AGAP1: variants seen among roughly 807,000 people sequenced by gnomAD.
The protein encoded by AGAP1 is arf-GAP with GTPase, ANK repeat and PH domain-containing protein 1.
In AGAP1, 29 loss-of-function variants were observed where a neutral mutation model predicts 105.3. The observed-to-expected ratio is 0.28, with a 90% CI of 0.21 to 0.38. The LOEUF (loss-of-function observed/expected upper bound fraction) is 0.38. Among genes scored for constraint, AGAP1 ranks in the 10% least tolerant of loss-of-function variants. The pLI, the probability that AGAP1 is intolerant of heterozygous loss-of-function variation, is 1.00. For missense variants in AGAP1, 998 were observed against 1,165.1 expected, an observed-to-expected ratio of 0.86 and a Z score of 2.09; for synonymous variants, 509 against 485.9, an observed-to-expected ratio of 1.05 and a Z score of -0.63.
At chr2:235,718,138 T>A (rs540399524) in intron 3 of AGAP1, among the ~76,000 whole-genome samples, 1 of 149,406 alleles carries the variant, frequency 6.7e-6, no homozygotes, top group East Asian at 2.0e-4. Context: ...AGAGTAAGAT[T>A]TTTTTTTTTG....
chr2:235,674,587 A>G (rs1016263688), intron 1 of AGAP1, among the ~76,000 whole-genome samples: 1 of 152,138 alleles, frequency 6.6e-6, no homozygotes. Flanking sequence ...AGCTTTTAAA[A>G]TTAGTAATTT....
chr2:236,036,759 G>A lies in AGAP1; in HGVS notation c.1800+44G>A, dbSNP rs1293981192. Reference sequence around the variant, plus strand: ...CAAAACCAAGGCTGGGGCTGCTCAGGGGGAGTGCGGGCCCCAAGTAATGCC... The same window carrying A: ...CAAAACCAAGGCTGGGGCTGCTCAGAGGGAGTGCGGGCCCCAAGTAATGCC... On this transcript the variant is annotated intron_variant, in intron 14 of 17. Transcript: ENST00000304032. This position sits in a 1 kb window ranked among gnomAD's most constrained non-coding sequence, Gnocchi z 5.7. 1 of 1,609,818 alleles carries A rather than the reference G, an allele frequency of 6.2e-7. No individual in the cohort carries two copies. Among genetic ancestry groups the A allele is most frequent in the Non-Finnish European group, 8.5e-7 (1 of 1,178,418 alleles).
At position 236,114,274 on chromosome 2, in the gene AGAP1, T is replaced by C. The variant is rs765157885; in HGVS notation, c.2115-5918T>C. Among the ~76,000 whole-genome samples the C allele has an allele frequency of 1.3e-5, 2 of 152,162 alleles. No individual in the cohort carries two copies. The highest frequency in any genetic ancestry group is 6.5e-5 in the Admixed American group (1 of 15,282). On this transcript the variant is annotated intron_variant, in intron 16 of 17. Coordinates refer to ENST00000304032, the MANE Select transcript of AGAP1 (RefSeq NM_001037131.3). This position sits in a 1 kb window ranked among gnomAD's most constrained non-coding sequence, Gnocchi z 5.0. ...CAAGCCAGGGATCCCAGAAGTAGAA[T>C]TGCGGCCTCCGAGTGACCATTTGAG...
rs540253024 is a variant in AGAP1, at chr2:235,627,702, TC to T, written c.164-81473del. 2.4e-4 allele frequency among the ~76,000 whole-genome samples: 37 copies of T among 152,228 alleles called. 2 individuals carry two copies. The South Asian group carries it at 7.3e-3, about 30-fold the overall frequency. ...AGGATAGTAATAGTAAAATGCCTCG[TC>T]CCCGGCTCAGCCCTTAGTCTCCCAT... is the stretch of plus-strand genomic sequence containing the variant. On this transcript the variant is annotated intron_variant, in intron 1 of 17. Coordinates refer to ENST00000304032, the MANE Select transcript of AGAP1 (RefSeq NM_001037131.3).
chr2:235,810,774 C>A (rs1471608573), intron 9 of AGAP1, among the ~76,000 whole-genome samples: 2 of 150,980 alleles, frequency 1.3e-5, no homozygotes, highest in East Asian at 3.9e-4. Flanking sequence ...CCTGGGTCTA[C>A]TTCTCCTTTG....
chr2:235,644,341 G>T (rs1011665391), intron 1 of AGAP1, among the ~76,000 whole-genome samples: 3 of 152,164 alleles, frequency 2.0e-5, no homozygotes, highest in African/African-American at 7.2e-5. Flanking sequence ...CTGTCATGTG[G>T]CCTCTTCACG....
intron 1 of AGAP1, among the ~76,000 whole-genome samples, chr2:235,513,027 A>G (rs1942216244): frequency 6.6e-6 from 1 of 152,068 alleles, no homozygotes. Context: ...TGACCAGTTC[A>G]TTTCATGGCA....
chr2:235,846,972 C>G (rs2106426797), intron 9 of AGAP1, among the ~76,000 whole-genome samples: 1 of 152,296 alleles, frequency 6.6e-6, no homozygotes, highest in Admixed American at 6.5e-5. Context: ...CCCCTCTTCC[C>G]CATCCTAAGA....
rs2049673607 is a variant in AGAP1, at chr2:235,875,448, C to A, written c.1051-7897C>A. ...ACTCGATGATTGTCAGGGCTGAGAA[C>A]CCAGCACAGGTCTGTGATGCCCACG... is the stretch of plus-strand genomic sequence containing the variant. On this transcript the variant is annotated intron_variant, in intron 9 of 17. Transcript: ENST00000304032. The surrounding 1 kb of genome is among the most constrained non-coding windows in gnomAD (Gnocchi z 4.0). Among the ~76,000 whole-genome samples the A allele has an allele frequency of 6.6e-6, 1 of 152,198 alleles. No homozygotes were observed. The highest frequency in any genetic ancestry group is 1.5e-5 in the Non-Finnish European group (1 of 68,038).
Position 235,625,515 on chromosome 2 carries a change from T to C in AGAP1, c.164-83664T>C, listed in dbSNP as rs1313375109. ...GAGAAAACCATGCTTTGCATGTGTC[T>C]TTTTACCAACCCAATGAGATTGCTG... On this transcript the variant is annotated intron_variant, in intron 1 of 17. Transcript: ENST00000304032. The surrounding 1 kb of genome is among the most constrained non-coding windows in gnomAD (Gnocchi z 4.0). Among the ~76,000 whole-genome samples, 1 of 152,196 alleles carries C rather than the reference T, an allele frequency of 6.6e-6. No homozygotes were observed. The highest frequency in any genetic ancestry group is 1.5e-5 in the Non-Finnish European group (1 of 68,030).
chr2:235,935,110 G>A (rs1201881533), intron 12 of AGAP1, among the ~76,000 whole-genome samples: 1 of 152,200 alleles, frequency 6.6e-6, no homozygotes, highest in Non-Finnish European at 1.5e-5. Flanking sequence ...AATGCCCACT[G>A]CTTTATGACT....
intron 9 of AGAP1, among the ~76,000 whole-genome samples, chr2:235,821,020 A>G (rs920273031): frequency 6.6e-6 from 1 of 152,216 alleles, no homozygotes. Flanking sequence ...AATTTGATTC[A>G]CTTTGTCCCA....
chr2:235,748,095 T>C (rs957568056), intron 5 of AGAP1, among the ~76,000 whole-genome samples: 1 of 152,188 alleles, frequency 6.6e-6, no homozygotes, highest in Admixed American at 6.5e-5. Context: ...TTAAATTGAT[T>C]TGAGGGAGAA....
intron 10 of AGAP1, among the ~76,000 whole-genome samples, chr2:235,899,825 G>A (rs1559624368): frequency 6.6e-6 from 1 of 152,166 alleles, no homozygotes; most frequent in Non-Finnish European, 1.5e-5. Context: ...GGTTTGAGCA[G>A]GCATGGGTTA....
intron 1 of AGAP1, chr2:235,671,177 G>GCGAACT: frequency 9.0e-7 from 1 of 1,107,604 alleles, no homozygotes; most frequent in Non-Finnish European, 1.1e-6. Context: ...CTCGAGGGAT[G>GCGAACT]CGAACTCGGG....
intron 1 of AGAP1, chr2:235,670,059 C>CG (rs1948295122): frequency 2.5e-6 from 1 of 393,382 alleles, no homozygotes; most frequent in Non-Finnish European, 4.5e-6. Flanking sequence ...TCCCGGCCCG[C>CG]GGGCTCGCTG....
At chr2:235,738,542 T>C (rs1294575013) in intron 3 of AGAP1, among the ~76,000 whole-genome samples, 1 of 151,748 alleles carries the variant, frequency 6.6e-6, no homozygotes, top group South Asian at 2.1e-4. Flanking sequence ...TCAAATGTTA[T>C]TTTTCTTTCT....
rs117427777 is a variant in AGAP1 at position 235,605,455 on chromosome 2, C to T, written c.164-103724C>T. ...CTAAAATCTGTTTTTCACCAGACGACGCCGGCCCTTCCGGCTTGTCGTGCA... is the reference window on the plus strand; with the variant it reads ...CTAAAATCTGTTTTTCACCAGACGATGCCGGCCCTTCCGGCTTGTCGTGCA... On this transcript the variant is annotated intron_variant, in intron 1 of 17. Transcript: ENST00000304032. Among the ~76,000 whole-genome samples, 6 of 152,322 alleles carry T rather than the reference C, an allele frequency of 3.9e-5. No individual in the cohort carries two copies. In the East Asian group the frequency reaches 1.2e-3, roughly 29 times the overall value.
At chr2:235,966,017 T>C (rs1378435542) in intron 12 of AGAP1, among the ~76,000 whole-genome samples, 2 of 119,632 alleles carry the variant, frequency 1.7e-5, no homozygotes, top group Non-Finnish European at 3.4e-5. Context: ...CCTCTGGGGA[T>C]GGAGGAGAGG....
Sources: allele counts gnomAD v4.1 joint callset (sites outside exome capture counted in the v4.1 genomes callset), GRCh38; gene constraint gnomAD v4.1.1; non-coding constraint Gnocchi (gnomAD v3.1); transcripts MANE v1.5; gene names NCBI Gene and HGNC (gene_info 2026-07-23, HGNC 2026-07-21).